Variants in TM9SF3 observed in about 807,000 individuals in gnomAD.
TM9SF3 encodes SM-11044-binding protein.
A neutral mutation model predicts 78.6 loss-of-function variants in TM9SF3; 14 were observed. The ratio of observed to expected loss-of-function variants is 0.18; its 90% confidence interval spans 0.12 to 0.28. TM9SF3 has a LOEUF of 0.28. Among genes scored for constraint, TM9SF3 ranks in the 10% least tolerant of loss-of-function variants. The pLI is 1.00. For missense variants in TM9SF3, 496 were observed against 721.9 expected (o/e 0.69, Z 3.59); for synonymous variants, 231 against 241.7 (o/e 0.96, Z 0.41).
intron 3 of TM9SF3, 77 bp from the exon 4 acceptor site, chr10:96,562,215 A>AAT: frequency 1.0e-6 from 1 of 953,030 alleles, no homozygotes; most frequent in Admixed American, 3.5e-5. Context: ...ATGCTCATTA[A>AAT]GTTTTTTTTT....
At chr10:96,564,230 T>C (rs1848344613) in intron 3 of TM9SF3, among the ~76,000 whole-genome samples, 1 of 151,700 alleles carries the variant, frequency 6.6e-6, no homozygotes, top group Non-Finnish European at 1.5e-5. Context: ...AGTCTGAGGC[T>C]ACAATGAGCT....
intron 9 of TM9SF3, among the ~76,000 whole-genome samples, chr10:96,538,187 A>C (rs1847982064): frequency 6.6e-6 from 1 of 152,244 alleles, no homozygotes; most frequent in Non-Finnish European, 1.5e-5. Flanking sequence ...AGAACAAATC[A>C]AAATGAAACA....
chr10:96,578,822 T>A (rs576461049), intron 1 of TM9SF3, among the ~76,000 whole-genome samples: 43 of 152,354 alleles, frequency 2.8e-4, no homozygotes, highest in African/African-American at 1.0e-3. Flanking sequence ...ACACCTGTAA[T>A]CCCAAGACCT....
At chr10:96,552,227 A>T (rs1353809619) in intron 6 of TM9SF3, among the ~76,000 whole-genome samples, 21 of 152,142 alleles carry the variant, frequency 1.4e-4, no homozygotes. Context: ...CAAGGCAGGA[A>T]GATCGTTTGA....
intron 14 of TM9SF3, 122 bp downstream of exon 14, chr10:96,527,091 G>T: frequency 2.9e-6 from 2 of 699,694 alleles, no homozygotes; most frequent in Non-Finnish European, 4.7e-6. Context: ...AATCAGACTC[G>T]GGTTTATTTT....
At chr10:96,545,764 C>T (rs1460622689) in intron 8 of TM9SF3, among the ~76,000 whole-genome samples, 1 of 152,192 alleles carries the variant, frequency 6.6e-6, no homozygotes, top group Non-Finnish European at 1.5e-5. Context: ...TGACACGCGC[C>T]TGTAATCCTA....
At chr10:96,573,030 G>A (rs1016622007) in intron 2 of TM9SF3, among the ~76,000 whole-genome samples, 3 of 152,160 alleles carry the variant, frequency 2.0e-5, no homozygotes, top group African/African-American at 7.2e-5. Context: ...AAAAAAAGAT[G>A]TGTGTGTATG....
chr10:96,552,773 C>T (rs1253378673), intron 6 of TM9SF3, among the ~76,000 whole-genome samples, 155 bp downstream of exon 6: 3 of 152,072 alleles, frequency 2.0e-5, no homozygotes, highest in African/African-American at 7.2e-5. Context: ...TGGTTACAGA[C>T]CACACTGGGC....
At chr10:96,562,215 A>ATTTTTTTT in intron 3 of TM9SF3, 77 bp from the exon 4 acceptor site, 1 of 953,018 alleles carries the variant, frequency 1.0e-6, no homozygotes, top group Non-Finnish European at 1.5e-6. Flanking sequence ...ATGCTCATTA[A>ATTTTTTTT]GTTTTTTTTT....
chr10:96,534,671 G>A (rs962064995), intron 9 of TM9SF3, among the ~76,000 whole-genome samples: 11 of 152,146 alleles, frequency 7.2e-5, no homozygotes, highest in African/African-American at 2.7e-4. Flanking sequence ...CTGTTCCAAA[G>A]AACTCTCAGG....
rs1233315385 is a variant in TM9SF3, at chr10:96,521,948, T to C, written c.*315A>G. On this transcript the variant is annotated 3_prime_UTR_variant, in exon 15 of 15. Coordinates refer to ENST00000371142, the MANE Select transcript of TM9SF3 (RefSeq NM_020123.4). ...TGGAACAAATGCTTTAAATAAACTA[T>C]TTGTCCTCTTCACTGAAGAGAGCTG... is the stretch of plus-strand genomic sequence containing the variant. 1 of 256,432 alleles carries C rather than the reference T, an allele frequency of 3.9e-6. No homozygotes were observed. The highest frequency in any genetic ancestry group is 7.3e-6 in the Non-Finnish European group (1 of 136,394). 15.9% of individuals were successfully genotyped at this position (256,432 alleles called of 1,614,324 possible).
At chr10:96,524,862 C>A (rs191000865) in intron 14 of TM9SF3, among the ~76,000 whole-genome samples, 1 of 151,992 alleles carries the variant, frequency 6.6e-6, no homozygotes, top group East Asian at 1.9e-4. Flanking sequence ...TTTCTCCCCA[C>A]CTGCCCCTGA....
intron 3 of TM9SF3, among the ~76,000 whole-genome samples, chr10:96,564,710 C>A (rs1266889270): frequency 6.6e-6 from 1 of 152,126 alleles, no homozygotes; most frequent in African/African-American, 2.4e-5. Context: ...AAAATGTGAT[C>A]AAACATATTG....
At chr10:96,576,856 T>TA (rs35616822) in intron 1 of TM9SF3, 27 bp from the exon 2 acceptor site, 274,693 of 1,114,908 alleles carry the variant, frequency 0.25, 6,438 homozygotes, top group Admixed American at 0.34. Context: ...AAACAAGAAT[T>TA]AAAAAAAAAA....
intron 1 of TM9SF3, among the ~76,000 whole-genome samples, chr10:96,580,513 G>A (rs764144863): frequency 2.0e-5 from 3 of 152,018 alleles, no homozygotes; most frequent in Admixed American, 1.3e-4. Context: ...TGATCCACCC[G>A]CCTCGGCCTC....
At chr10:96,548,182 T>C (rs538618256) in intron 7 of TM9SF3, among the ~76,000 whole-genome samples, 193 bp from the exon 8 acceptor site, 2 of 152,218 alleles carry the variant, frequency 1.3e-5, no homozygotes, top group Non-Finnish European at 2.9e-5. Flanking sequence ...TGCATTTACA[T>C]GATACCTGGC....
At chr10:96,524,846 A>C (rs1289198571) in intron 14 of TM9SF3, among the ~76,000 whole-genome samples, 1 of 151,950 alleles carries the variant, frequency 6.6e-6, no homozygotes, top group African/African-American at 2.4e-5. Context: ...CTTCCAGTCT[A>C]AACAGTTTCT....
chr10:96,547,185 A>G (rs1848111656), intron 8 of TM9SF3, among the ~76,000 whole-genome samples: 1 of 152,308 alleles, frequency 6.6e-6, no homozygotes, highest in South Asian at 2.1e-4. Flanking sequence ...TAAAACTAAC[A>G]GTCAACAGAA....
chr10:96,572,906 G>A lies in TM9SF3; in HGVS notation c.298+3728C>T, dbSNP rs537370835. Among the ~76,000 whole-genome samples the A allele has an allele frequency of 2.4e-3, 363 of 152,096 alleles. 2 individuals are homozygous for A. Among genetic ancestry groups the A allele is most frequent in the African/African-American group, 8.5e-3 (353 of 41,410 alleles). The stretch of plus-strand genomic sequence containing the variant: ...GAAAAAGTTGTGTATAAAATCTTGA[G>A]AGGCATCCTGTATTAGAGTTAGACT... On this transcript the variant is annotated intron_variant, in intron 2 of 14. Transcript: ENST00000371142.
Sources: allele counts gnomAD v4.1 joint callset (sites outside exome capture counted in the v4.1 genomes callset), GRCh38; gene constraint gnomAD v4.1.1; transcripts MANE v1.5; gene names NCBI Gene and HGNC (gene_info 2026-07-23, HGNC 2026-07-21).